Variants in ZNF385D observed in about 807,000 individuals in gnomAD.
ZNF385D encodes the protein zinc finger protein 659.
Under a neutral mutation model 35.8 loss-of-function variants are expected in ZNF385D, and 15 were observed. The ratio of observed to expected loss-of-function variants is 0.42; its 90% CI spans 0.28 to 0.64. The LOEUF is 0.64. ZNF385D is among the 30% of genes least tolerant of loss of function. The pLI, the probability that ZNF385D is intolerant of heterozygous loss-of-function variation, is 0.23. For missense variants in ZNF385D, 474 were observed against 494.6 expected (o/e 0.96, Z 0.39); for synonymous variants, 212 against 186.8 (o/e 1.13, Z -1.10).
intron 3 of ZNF385D, among the ~76,000 whole-genome samples, chr3:22,024,325 G>C (rs982755158): frequency 6.6e-6 from 1 of 152,024 alleles, no homozygotes; most frequent in African/African-American, 2.4e-5. Context: ...GTGTGCGTGT[G>C]TGTGTATGAT....
intron 2 of ZNF385D, among the ~76,000 whole-genome samples, chr3:22,315,867 T>C (rs938837602): frequency 6.6e-6 from 1 of 152,124 alleles, no homozygotes; most frequent in African/African-American, 2.4e-5. Context: ...TTTGTAAGAC[T>C]AATGAAAGGC....
At chr3:21,801,849 C>T (rs2072420606) in intron 3 of ZNF385D, among the ~76,000 whole-genome samples, 1 of 152,140 alleles carries the variant, frequency 6.6e-6, no homozygotes, top group Admixed American at 6.6e-5. Context: ...ATTACTTACT[C>T]TCTGTCTGTG....
Position 21,781,214 on chromosome 3 carries a change from C to T in ZNF385D, c.326-116186G>A, listed in dbSNP as rs191023014. Among the ~76,000 whole-genome samples, 7 of 151,482 alleles carry T rather than the reference C, an allele frequency of 4.6e-5. No homozygotes were observed. In the East Asian group the frequency reaches 5.8e-4, roughly 13 times the overall value. On this transcript the variant is annotated intron_variant, in intron 3 of 5. Transcript: ENST00000494108. The stretch of plus-strand genomic sequence containing the variant: ...GAAAAAGTATCTCTTTATTTCAAAG[C>T]GAGAAAAGGGAAAGGAAAAGAAGGA...
intron 3 of ZNF385D, among the ~76,000 whole-genome samples, chr3:21,907,177 T>C (rs904915513): frequency 6.6e-5 from 10 of 152,150 alleles, no homozygotes; most frequent in Non-Finnish European, 1.5e-4. Flanking sequence ...TAGTTTTTCT[T>C]ACATTCCTTA....
At chr3:22,239,266 A>T (rs1277808863) in intron 2 of ZNF385D, among the ~76,000 whole-genome samples, 1 of 151,108 alleles carries the variant, frequency 6.6e-6, no homozygotes, top group Non-Finnish European at 1.5e-5. Context: ...ACAATCATTC[A>T]TTCAGGTATT....
intron 3 of ZNF385D, among the ~76,000 whole-genome samples, chr3:22,143,015 AAT>A (rs923279141): frequency 5.4e-5 from 8 of 149,250 alleles, no homozygotes; most frequent in African/African-American, 2.0e-4. Flanking sequence ...TGACAATAAT[AAT>A]AAAAAAAAAA....
intron 3 of ZNF385D, among the ~76,000 whole-genome samples, chr3:22,022,557 A>G (rs1198354262): frequency 6.6e-6 from 1 of 152,168 alleles, no homozygotes; most frequent in African/African-American, 2.4e-5. Flanking sequence ...GAAAAAAGAA[A>G]TGATTTATCA....
At chr3:21,801,352 G>C (rs1478041782) in intron 3 of ZNF385D, among the ~76,000 whole-genome samples, 3 of 152,116 alleles carry the variant, frequency 2.0e-5, no homozygotes, top group Non-Finnish European at 2.9e-5. Context: ...GAGTTAGGAA[G>C]TGTTAGCTCC....
intron 3 of ZNF385D, among the ~76,000 whole-genome samples, chr3:22,152,076 G>C (rs550258958): frequency 6.6e-6 from 1 of 152,070 alleles, no homozygotes; most frequent in Non-Finnish European, 1.5e-5. Context: ...TCATCATTTA[G>C]CTCCCACTTC....
chr3:22,344,619 G>T (rs1027425917), intron 2 of ZNF385D, among the ~76,000 whole-genome samples: 5 of 151,744 alleles, frequency 3.3e-5, no homozygotes, highest in African/African-American at 1.2e-4. Context: ...AAGGGGTTTT[G>T]CCATGTTGCT....
intron 3 of ZNF385D, among the ~76,000 whole-genome samples, chr3:21,814,208 A>G (rs1412909324): frequency 1.3e-5 from 2 of 152,224 alleles, no homozygotes; most frequent in East Asian, 1.9e-4. Flanking sequence ...AGCACTAAAC[A>G]TGGAAAGGAA....
intron 3 of ZNF385D, among the ~76,000 whole-genome samples, chr3:21,835,014 C>T (rs887769588): frequency 6.6e-6 from 1 of 152,062 alleles, no homozygotes; most frequent in African/African-American, 2.4e-5. Context: ...TGGAAATTGA[C>T]TAATACATAC....
intron 3 of ZNF385D, among the ~76,000 whole-genome samples, chr3:21,843,040 T>C (rs997114063): frequency 6.6e-6 from 1 of 152,058 alleles, no homozygotes; most frequent in African/African-American, 2.4e-5. Context: ...GCATAAAAGC[T>C]TTTAAGAAGA....
At chr3:22,134,692 A>T (rs1477124860) in intron 3 of ZNF385D, among the ~76,000 whole-genome samples, 1 of 152,186 alleles carries the variant, frequency 6.6e-6, no homozygotes, top group East Asian at 1.9e-4. Context: ...TGAACAGAAG[A>T]TTATTTGGCT....
intron 3 of ZNF385D, among the ~76,000 whole-genome samples, chr3:21,532,215 C>A (rs941412351): frequency 6.6e-6 from 1 of 152,054 alleles, no homozygotes; most frequent in African/African-American, 2.4e-5. Context: ...GGAGGAAGAG[C>A]AAAAAGATGG....
At chr3:21,850,710 G>A (rs1696330225) in intron 3 of ZNF385D, among the ~76,000 whole-genome samples, 2 of 152,036 alleles carry the variant, frequency 1.3e-5, no homozygotes, top group South Asian at 2.1e-4. Context: ...CCAGCCAAAG[G>A]GAGAAACATT....
intron 5 of ZNF385D, among the ~76,000 whole-genome samples, chr3:21,430,649 T>C (rs341855): frequency 0.33 from 49,662 of 151,974 alleles, 9,301 homozygotes; most frequent in Non-Finnish European, 0.42. Context: ...GCCCTGAAAG[T>C]GTGACTATAG....
At chr3:21,940,030 T>C (rs936374570) in intron 3 of ZNF385D, among the ~76,000 whole-genome samples, 2 of 152,214 alleles carry the variant, frequency 1.3e-5, no homozygotes, top group African/African-American at 2.4e-5. Flanking sequence ...GAATTTTCTC[T>C]GAACATGCCT....
At chr3:21,491,802 C>T (rs150029192) in intron 4 of ZNF385D, among the ~76,000 whole-genome samples, 17 of 152,244 alleles carry the variant, frequency 1.1e-4, no homozygotes, top group Admixed American at 4.6e-4. Context: ...CTAAACACTA[C>T]GTAATAGCCA....
Sources: allele counts gnomAD v4.1 joint callset (sites outside exome capture counted in the v4.1 genomes callset), GRCh38; gene constraint gnomAD v4.1.1; transcripts MANE v1.5; gene names NCBI Gene and HGNC (gene_info 2026-07-23, HGNC 2026-07-21).